VSTM2B: variants seen among roughly 807,000 people sequenced by gnomAD.
The protein encoded by VSTM2B is V-set and transmembrane domain-containing protein 2B.
In VSTM2B, 24 loss-of-function variants were observed where a neutral mutation model predicts 24.0. The observed-to-expected ratio is 1.00, with a 90% CI of 0.72 to 1.40. VSTM2B has a LOEUF of 1.40. Among genes scored for constraint, VSTM2B ranks in the 40% most tolerant of loss-of-function variants. The probability of loss-of-function intolerance (pLI) is 0.00; values close to 1 mark genes in which losing one functional copy is unlikely to be tolerated. For missense variants in VSTM2B, 399 were observed against 416.4 expected (o/e 0.96, Z 0.36); for synonymous variants, 226 against 194.4 (o/e 1.16, Z -1.35).
At chr19:29,562,663 G>A (rs987085901) in intron 4 of VSTM2B, among the ~76,000 whole-genome samples, 8 of 152,170 alleles carry the variant, frequency 5.3e-5, no homozygotes, top group Non-Finnish European at 8.8e-5. Context: ...ACCAAGGATC[G>A]TGCAGGGTGC....
chr19:29,532,610 G>A (rs1453049147), intron 4 of VSTM2B, among the ~76,000 whole-genome samples: 1 of 152,208 alleles, frequency 6.6e-6, no homozygotes, highest in South Asian at 2.1e-4. Flanking sequence ...CCACTTACTG[G>A]CTGTGTGATT....
chr19:29,548,033 C>A (rs1970190646), intron 4 of VSTM2B, among the ~76,000 whole-genome samples: 1 of 151,972 alleles, frequency 6.6e-6, no homozygotes, highest in Non-Finnish European at 1.5e-5. Context: ...GTTATGAAGG[C>A]AGGAGAATGC....
At chr19:29,548,888 T>C (rs901517598) in intron 4 of VSTM2B, among the ~76,000 whole-genome samples, 7 of 152,144 alleles carry the variant, frequency 4.6e-5, no homozygotes, top group Non-Finnish European at 1.0e-4. Flanking sequence ...AAGGGCCAGG[T>C]TGGCTGAGCA....
In VSTM2B at chr19:29,526,311, G is replaced by T. The variant is rs1219930737; in HGVS notation, c.-273G>T. Among the ~76,000 whole-genome samples the T allele has an allele frequency of 6.6e-6, 1 of 151,814 alleles. No homozygotes were observed. Among genetic ancestry groups the T allele is most frequent in the East Asian group, 1.9e-4 (1 of 5,138 alleles). ...GATCCCCACCGTCCTGTGGACGACCGGACAGAGAGAGGCACTGACCGATCG... is the reference window on the plus strand; with the variant it reads ...GATCCCCACCGTCCTGTGGACGACCTGACAGAGAGAGGCACTGACCGATCG... On this transcript the variant is annotated 5_prime_UTR_variant, in exon 1 of 5. Coordinates refer to ENST00000335523, the MANE Select transcript of VSTM2B (RefSeq NM_001146339.2). This position sits in a 1 kb window ranked among gnomAD's most constrained non-coding sequence, Gnocchi z 4.1.
chr19:29,547,034 G>A (rs1436019000), intron 4 of VSTM2B, among the ~76,000 whole-genome samples: 1 of 152,176 alleles, frequency 6.6e-6, no homozygotes, highest in East Asian at 1.9e-4. Flanking sequence ...TGTACACAGG[G>A]GCCAGACTGC....
At chr19:29,561,626 G>A (rs999162483) in intron 4 of VSTM2B, among the ~76,000 whole-genome samples, 5 of 152,058 alleles carry the variant, frequency 3.3e-5, no homozygotes, top group South Asian at 2.1e-4. Flanking sequence ...ACTCCATCTC[G>A]ATTAATTAAT....
chr19:29,530,638 G>A (rs976474766), intron 4 of VSTM2B, among the ~76,000 whole-genome samples: 2 of 152,104 alleles, frequency 1.3e-5, no homozygotes, highest in African/African-American at 2.4e-5. Flanking sequence ...GTGGCAAGGG[G>A]CCAGTACTCA....
chr19:29,533,061 G>A (rs1969797985), intron 4 of VSTM2B, among the ~76,000 whole-genome samples: 1 of 152,182 alleles, frequency 6.6e-6, no homozygotes, highest in East Asian at 1.9e-4. Flanking sequence ...TGGCCATGGA[G>A]GCTGAATGAG....
chr19:29,545,284 T>TG (rs1430202979), intron 4 of VSTM2B, among the ~76,000 whole-genome samples: 2 of 151,690 alleles, frequency 1.3e-5, no homozygotes, highest in Non-Finnish European at 2.9e-5. Flanking sequence ...CCTGGGAACT[T>TG]GGGGAGCAGG....
chr19:29,528,332 T>C (rs1410836176), intron 2 of VSTM2B, 101 bp from the exon 3 acceptor site: 7 of 1,493,856 alleles, frequency 4.7e-6, no homozygotes, highest in Admixed American at 2.0e-5. Flanking sequence ...GTTTCGGTCC[T>C]AGCCTGCCGG....
At chr19:29,546,702 C>A (rs182809320) in intron 4 of VSTM2B, among the ~76,000 whole-genome samples, 249 of 150,936 alleles carry the variant, frequency 1.6e-3, no homozygotes, top group African/African-American at 5.7e-3. Flanking sequence ...TCACTGCAGT[C>A]GGGCCGCCTG....
At chr19:29,562,545 G>T (rs1281449659) in intron 4 of VSTM2B, among the ~76,000 whole-genome samples, 4 of 152,174 alleles carry the variant, frequency 2.6e-5, no homozygotes, top group African/African-American at 9.7e-5. Flanking sequence ...GAGAAGGGAG[G>T]AGAGAGGCCT....
At chr19:29,558,930 T>C (rs1040338246) in intron 4 of VSTM2B, among the ~76,000 whole-genome samples, 1 of 152,176 alleles carries the variant, frequency 6.6e-6, no homozygotes, top group African/African-American at 2.4e-5. Context: ...TCATGCCAGT[T>C]AGAATGGCAA....
chr19:29,552,403 G>A (rs10409056), intron 4 of VSTM2B, among the ~76,000 whole-genome samples: 13,409 of 152,254 alleles, frequency 0.088, 1,214 homozygotes, highest in African/African-American at 0.23. Flanking sequence ...TACTGACGTC[G>A]TTGGCAAGAC....
At position 29,564,094 on chromosome 19, in the gene VSTM2B, G is replaced by T. The variant is rs1247204438; in HGVS notation, c.*160G>T. 6.5e-6 allele frequency: 4 copies of T among 614,356 alleles called. No individual in the cohort carries two copies. In the East Asian group the frequency reaches 1.2e-4, roughly 18 times the overall value. 38.1% of individuals were successfully genotyped at this position (614,356 alleles called of 1,614,324 possible). A position where few individuals can be genotyped will look rare whatever the true frequency, so the allele number is the denominator to read the frequency against. ...ATATTTTTGGGAAAGTTACACAAAT[G>T]TAGAACACCTAAAATAATGCATCTA... On this transcript the variant is annotated 3_prime_UTR_variant, in exon 5 of 5. Coordinates refer to ENST00000335523, the MANE Select transcript of VSTM2B (RefSeq NM_001146339.2).
intron 3 of VSTM2B, chr19:29,529,139 C>T (rs1969662358): frequency 1.2e-5 from 12 of 985,156 alleles, no homozygotes; most frequent in Non-Finnish European, 1.4e-5. Context: ...TAGAGCAGTA[C>T]TTCCCGAAGT....
At chr19:29,553,740 G>C (rs559459199) in intron 4 of VSTM2B, among the ~76,000 whole-genome samples, 1 of 152,282 alleles carries the variant, frequency 6.6e-6, no homozygotes, top group Non-Finnish European at 1.5e-5. Context: ...TGACCTGATG[G>C]AGCTGAGAAA....
rs114858304 is a variant in VSTM2B at position 29,533,356 on chromosome 19, T to A, written c.769+3066T>A. ...GACAGCAGCACCCCTGGGATAGAAG[T>A]ACAGTGGCCTCTGAGGTCTCTGTCA... On this transcript the variant is annotated intron_variant, in intron 4 of 4. Coordinates refer to ENST00000335523, the MANE Select transcript of VSTM2B (RefSeq NM_001146339.2). Among the ~76,000 whole-genome samples the A allele has an allele frequency of 6.0e-3, 906 of 152,246 alleles. 8 individuals are homozygous for A. The highest frequency in any genetic ancestry group is 0.021 in the African/African-American group (862 of 41,558).
chr19:29,553,076 C>A (rs1970323413), intron 4 of VSTM2B, among the ~76,000 whole-genome samples: 1 of 150,752 alleles, frequency 6.6e-6, no homozygotes, highest in Non-Finnish European at 1.5e-5. Context: ...CAAGTGAGAT[C>A]CCCCCCAGCA....
Sources: gnomAD v4.1 joint callset for allele counts (sites outside exome capture counted in the v4.1 genomes callset) on GRCh38, gnomAD v4.1.1 for gene constraint, Gnocchi (gnomAD v3.1) non-coding constraint, MANE v1.5 for transcripts, NCBI Gene and HGNC (gene_info 2026-07-23, HGNC 2026-07-21) for gene names.